The following FBXL12 variants were observed in gnomAD, a reference collection of about 807,000 sequenced individuals.
FBXL12 encodes the protein F-box and leucine rich repeat protein 12, also known as F-box/LRR-repeat protein 12.
In FBXL12, 22 loss-of-function variants were observed where a neutral mutation model predicts 24.9. That is an observed-to-expected ratio of 0.88 (90% CI 0.63 to 1.26). FBXL12 has a LOEUF of 1.26. Among genes scored for constraint, FBXL12 ranks in the 50% most tolerant of loss-of-function variants. The probability of loss-of-function intolerance (pLI) is 0.00; values close to 1 mark genes in which losing one functional copy is unlikely to be tolerated. For missense variants in FBXL12, 384 were observed against 434.1 expected (o/e 0.88, Z 1.03); for synonymous variants, 193 against 193.8 (o/e 1.00, Z 0.03).
chr19:9,812,374 T>C (rs1201514040), intron 2 of FBXL12, among the ~76,000 whole-genome samples: 4 of 151,450 alleles, frequency 2.6e-5, no homozygotes, highest in Admixed American at 2.0e-4. Context: ...CTACTAAAAA[T>C]ACAAAAATTA....
Position 9,818,598 on chromosome 19 carries a change from T to A in FBXL12, c.106A>T (p.Arg36Trp). Residue 36 changes from arginine to tryptophan, a missense_variant, in exon 2 of 3, where the codon AGG becomes TGG. Arg to Trp is a moderately radical substitution (Grantham distance 101). Transcript: ENST00000247977. ...RISRVCHRWKRLVDDRWLWRH... is the reference protein window; with the variant it reads ...RISRVCHRWKWLVDDRWLWRH... ...CACAGCCACCGGTCGTCCACCAGCC[T>A]CTTCCAGCGGTGACAGACCCTGGGG... The A allele has an allele frequency of 6.4e-7, 1 of 1,556,012 alleles. No individual in the cohort carries two copies. Among genetic ancestry groups the A allele is most frequent in the Non-Finnish European group, 8.7e-7 (1 of 1,150,778 alleles).
intron 2 of FBXL12, among the ~76,000 whole-genome samples, chr19:9,815,209 G>C (rs1053379779): frequency 2.6e-5 from 4 of 152,184 alleles, no homozygotes; most frequent in Non-Finnish European, 5.9e-5. Flanking sequence ...ATGCAAGTCT[G>C]AAATCCAGTG....
In FBXL12 at chr19:9,811,624, G is replaced by A. The variant is rs963415826; in HGVS notation, c.253C>T (p.Gln85Ter). The change falls in exon 3 of 3, where the codon CAG becomes TAG. Residue 85 changes from glutamine (Q) to a stop codon, truncating the protein, a stop_gained. Transcript: ENST00000247977. LOFTEE classifies it high-confidence loss of function. The surrounding 1 kb of genome is among the most constrained non-coding windows in gnomAD (Gnocchi z 6.0). ...AGAGCAGGGGACAACTGGGGGGCCT[G>A]GGAGCCAGAGAACAGGTAGCCACCC... ...RMGGYLFSGS[Q>*]APQLSPALLR... The A allele has an allele frequency of 6.5e-7, 1 of 1,534,066 alleles. No individual in the cohort carries two copies. Among genetic ancestry groups the A allele is most frequent in the African/African-American group, 1.4e-5 (1 of 72,404 alleles).
Position 9,811,393 on chromosome 19 carries a change from G to A in FBXL12, c.484C>T (p.Pro162Ser). 6.2e-7 allele frequency: 1 copy of A among 1,612,972 alleles called. No homozygotes were observed. The highest frequency in any genetic ancestry group is 8.5e-7 in the Non-Finnish European group (1 of 1,179,964). ...LLECIVLDRV[P>S]AFRDEHLQGL... ...TGCAGGTGCTCGTCACGGAAGGCGG[G>A]GACGCGGTCCAGCACGATGCATTCA... The change falls in exon 3 of 3, where the codon CCC (proline) becomes TCC (serine). Residue 162 changes from proline (P) to serine (S), a missense_variant. Physicochemically the swap from Pro to Ser is moderately conservative, Grantham distance 74 (BLOSUM62 -1). Coordinates refer to ENST00000247977, the MANE Select transcript of FBXL12 (RefSeq NM_017703.3). This position sits in a 1 kb window ranked among gnomAD's most constrained non-coding sequence, Gnocchi z 6.0.
chr19:9,812,760 A>T (rs1323821231), intron 2 of FBXL12, among the ~76,000 whole-genome samples: 2 of 95,910 alleles, frequency 2.1e-5, no homozygotes, highest in Non-Finnish European at 3.8e-5. Flanking sequence ...GGTCTATGTT[A>T]AAAAAAAAAA....
In FBXL12 at chr19:9,818,594, A is replaced by G. The variant is rs1395894424; in HGVS notation, c.110T>C (p.Leu37Pro). ...TCGCCACAGCCACCGGTCGTCCACC[A>G]GCCTCTTCCAGCGGTGACAGACCCT... ...ISRVCHRWKR[L>P]VDDRWLWRHV... Residue 37 changes from leucine (L) to proline (P), a missense_variant, in exon 2 of 3, where the codon CTG (leucine) becomes CCG (proline). Transcript: ENST00000247977. 1 of 1,555,490 alleles carries G rather than the reference A, an allele frequency of 6.4e-7. No homozygotes were observed. Among genetic ancestry groups the G allele is most frequent in the South Asian group, 1.2e-5 (1 of 84,846 alleles).
intron 2 of FBXL12, among the ~76,000 whole-genome samples, chr19:9,812,632 TAAGAAA>T (rs2045781640): frequency 6.7e-6 from 1 of 149,388 alleles, no homozygotes; most frequent in Non-Finnish European, 1.5e-5. Flanking sequence ...TTTTCTGGAC[TAAGAAA>T]AAGAGCAGAG....
In FBXL12 at chr19:9,818,776, A is replaced by G. The variant is rs1487203846; in HGVS notation, c.38T>C (p.Leu13Pro). The G allele has an allele frequency of 6.4e-7, 1 of 1,556,170 alleles. No individual in the cohort carries two copies. Among genetic ancestry groups the G allele is most frequent in the Non-Finnish European group, 8.7e-7 (1 of 1,148,824 alleles). Residue 13 changes from leucine to proline, a missense_variant, in exon 1 of 3, where the codon CTC becomes CCC. Leu to Pro is a moderately conservative substitution (Grantham distance 98). Coordinates refer to ENST00000247977, the MANE Select transcript of FBXL12 (RefSeq NM_017703.3). ...TACCGGGAGGTAAGAGAAGATCTCG[A>G]GCAGGACCGAGTCCGGCAGTTCGAC... The part of the protein sequence containing the change: ...TLVELPDSVL[L>P]EIFSYLPVRD...
chr19:9,818,990 A>G lies in FBXL12; in HGVS notation c.-177T>C. The G allele has an allele frequency of 1.6e-6, 1 of 633,004 alleles. No individual in the cohort carries two copies. Among genetic ancestry groups the G allele is most frequent in the East Asian group, 2.8e-5 (1 of 35,946 alleles). The allele number at this position is 633,004 out of a possible 1,614,324, so 39.2% of individuals were successfully genotyped here. A position where few individuals can be genotyped will look rare whatever the true frequency, so the allele number is the denominator to read the frequency against. ...GCCGGACCAGCCGCGGATGGGGACC[A>G]GAAACCAGCCTGGAAAGCGTGGCTG... On this transcript the variant is annotated 5_prime_UTR_variant, in exon 1 of 3. Transcript: ENST00000247977.
At position 9,818,849 on chromosome 19, in the gene FBXL12, G is replaced by A; in HGVS notation, c.-36C>T. ...ACACGCACTTCCGCTTCCGGTTAAAGAGACCCGAGGGGTCCTGGGGGCGCC... is the reference window on the plus strand; with the variant it reads ...ACACGCACTTCCGCTTCCGGTTAAAAAGACCCGAGGGGTCCTGGGGGCGCC... On this transcript the variant is annotated 5_prime_UTR_variant, in exon 1 of 3. Transcript: ENST00000247977. 6.5e-7 allele frequency: 1 copy of A among 1,530,922 alleles called. No homozygotes were observed. The allele number at this position is 1,530,922 out of a possible 1,614,324, so 94.8% of individuals were successfully genotyped here. A position where few individuals can be genotyped will look rare whatever the true frequency, so the allele number is the denominator to read the frequency against.
In FBXL12 at chr19:9,811,168, C is replaced by T. The variant is rs751859232; in HGVS notation, c.709G>A (p.Val237Met). ...LRDVRKIRLT[V>M]RGLSAPGLAV... ...AGGCCAGGGGCAGAGAGGCCCCTCA[C>T]GGTCAGCCGGATCTTGCGCACATCT... Residue 237 changes from valine to methionine, a missense_variant, in exon 3 of 3, where the codon GTG becomes ATG. Val to Met is a conservative substitution (Grantham distance 21, BLOSUM62 1). Transcript: ENST00000247977. This position sits in a 1 kb window ranked among gnomAD's most constrained non-coding sequence, Gnocchi z 6.0. 8 of 1,608,026 alleles carry T rather than the reference C, an allele frequency of 5.0e-6. No individual in the cohort carries two copies. Among genetic ancestry groups the T allele is most frequent in the South Asian group, 3.3e-5 (3 of 90,904 alleles).
chr19:9,810,711 T>C lies in FBXL12; in HGVS notation c.*185A>G, dbSNP rs1371393630. On this transcript the variant is annotated 3_prime_UTR_variant, in exon 3 of 3. Transcript: ENST00000247977. ...CTAGGCTTCCCAGAGGCTGATGATATGACCAAGGCCACACAGCTGGCAAAC... is the reference window on the plus strand; with the variant it reads ...CTAGGCTTCCCAGAGGCTGATGATACGACCAAGGCCACACAGCTGGCAAAC... 1 of 484,186 alleles carries C rather than the reference T, an allele frequency of 2.1e-6. No individual in the cohort carries two copies. Among genetic ancestry groups the C allele is most frequent in the Non-Finnish European group, 3.7e-6 (1 of 272,136 alleles). 30.0% of individuals were successfully genotyped at this position (484,186 alleles called of 1,614,324 possible). A position where few individuals can be genotyped will look rare whatever the true frequency, so the allele number is the denominator to read the frequency against.
intron 2 of FBXL12, among the ~76,000 whole-genome samples, chr19:9,812,573 A>G (rs939442433): frequency 1.1e-4 from 17 of 149,524 alleles, no homozygotes; most frequent in Admixed American, 4.7e-4. Flanking sequence ...CTGGTAGGGG[A>G]AAAAAAGATA....
chr19:9,815,050 C>G (rs146566241), intron 2 of FBXL12, among the ~76,000 whole-genome samples: 134 of 152,284 alleles, frequency 8.8e-4, no homozygotes, highest in African/African-American at 3.2e-3. Context: ...AAAGTCTCAT[C>G]TGAGACAAGG....
At chr19:9,816,348 T>C (rs552305905) in intron 2 of FBXL12, among the ~76,000 whole-genome samples, 34 of 152,314 alleles carry the variant, frequency 2.2e-4, no homozygotes, top group African/African-American at 7.9e-4. Flanking sequence ...TTCCAAACTT[T>C]TCTGCTCTGC....
At position 9,811,248 on chromosome 19, in the gene FBXL12, A is replaced by G. The variant is rs1179277669; in HGVS notation, c.629T>C (p.Leu210Pro). Residue 210 changes from leucine to proline, a missense_variant, in exon 3 of 3, where the codon CTG (leucine) becomes CCG (proline). Transcript: ENST00000247977. The surrounding 1 kb of genome is among the most constrained non-coding windows in gnomAD (Gnocchi z 6.0). Reference protein sequence around the residue: ...ELSYLQRLEVLGCTLSADSTL... With the variant: ...ELSYLQRLEVPGCTLSADSTL... ...GCTGTCGGCAGACAGGGTGCAGCCC[A>G]GCACCTCAAGCCTCTGCAGATAGCT... The G allele has an allele frequency of 4.3e-6, 7 of 1,612,198 alleles. No homozygotes were observed. Among genetic ancestry groups the G allele is most frequent in the Non-Finnish European group, 5.9e-6 (7 of 1,179,994 alleles).
At position 9,811,586 on chromosome 19, in the gene FBXL12, C is replaced by T. The variant is rs774742406; in HGVS notation, c.291G>A (p.Leu97=). ...GCTTCAGGTTGGGGCACTTCTGGCC[C>T]AGGGCTCTCAACAGAGCAGGGGACA... ...PQLSPALLRA[L]GQKCPNLKRL... is the part of the protein sequence containing the mutation. The change falls in exon 3 of 3, where the codon CTG becomes CTA. Residue 97 remains leucine (L), a synonymous_variant. Transcript: ENST00000247977. The surrounding 1 kb of genome is among the most constrained non-coding windows in gnomAD (Gnocchi z 6.0). The T allele has an allele frequency of 5.7e-6, 9 of 1,581,902 alleles. No homozygotes were observed. The highest frequency in any genetic ancestry group is 1.3e-5 in the African/African-American group (1 of 74,356).
In FBXL12 at chr19:9,818,372, G is replaced by A. The variant is rs1440372925; in HGVS notation, c.159+173C>T. ...CCCATTGCAGGGATGAGGAAATTGAGGCCCTGAGGTCGAAGAGGAGCTGGT... is the reference window on the plus strand; with the variant it reads ...CCCATTGCAGGGATGAGGAAATTGAAGCCCTGAGGTCGAAGAGGAGCTGGT... On this transcript the variant is annotated intron_variant, in intron 2 of 2. Transcript: ENST00000247977. 8 of 660,518 alleles carry A rather than the reference G, an allele frequency of 1.2e-5. No individual in the cohort carries two copies. In the Admixed American group the frequency reaches 2.3e-4, roughly 19 times the overall value. The allele number at this position is 660,518 out of a possible 1,614,324, so 40.9% of individuals were successfully genotyped here. A position where few individuals can be genotyped will look rare whatever the true frequency, so the allele number is the denominator to read the frequency against.
intron 2 of FBXL12, among the ~76,000 whole-genome samples, chr19:9,812,248 G>T: frequency 6.6e-6 from 1 of 152,036 alleles, no homozygotes; most frequent in Non-Finnish European, 1.5e-5. Flanking sequence ...AATCTGGTAG[G>T]GGCTGGGCAC....
Sources: allele counts gnomAD v4.1 joint callset (sites outside exome capture counted in the v4.1 genomes callset), GRCh38; gene constraint gnomAD v4.1.1; non-coding constraint Gnocchi (gnomAD v3.1); transcripts MANE v1.5; gene names NCBI Gene and HGNC (gene_info 2026-07-23, HGNC 2026-07-21).